PDE4B: variants seen among roughly 807,000 people sequenced by gnomAD.
PDE4B encodes phosphodiesterase 4B.
In PDE4B, 20 loss-of-function variants were observed where a neutral mutation model predicts 82.2. That is an observed-to-expected ratio of 0.24 (90% confidence interval 0.17 to 0.35). The LOEUF is 0.35. Among genes scored for constraint, PDE4B ranks in the 10% least tolerant of loss-of-function variants. PDE4B has a pLI of 1.00. For missense variants in PDE4B, 655 were observed against 907.2 expected (o/e 0.72, Z 3.57); for synonymous variants, 320 against 318.9 (o/e 1.00, Z -0.04).
chr1:66,141,429 A>G (rs1646170872), intron 3 of PDE4B, among the ~76,000 whole-genome samples: 1 of 149,214 alleles, frequency 6.7e-6, no homozygotes, highest in Non-Finnish European at 1.5e-5. Flanking sequence ...AGATGACTTT[A>G]TTTTAGTGAA....
chr1:65,836,540 A>T (rs1419787539), intron 1 of PDE4B, among the ~76,000 whole-genome samples: 1 of 152,112 alleles, frequency 6.6e-6, no homozygotes, highest in Non-Finnish European at 1.5e-5. Flanking sequence ...AACCAGGTAA[A>T]CACCGGGGCA....
intron 3 of PDE4B, among the ~76,000 whole-genome samples, chr1:66,135,553 C>T (rs1194432158): frequency 6.6e-6 from 1 of 152,086 alleles, no homozygotes; most frequent in Admixed American, 6.6e-5. Context: ...TGATTGATGC[C>T]AATGACTGGG....
At chr1:65,921,700 A>G (rs1408402396) in intron 3 of PDE4B, among the ~76,000 whole-genome samples, 1 of 152,238 alleles carries the variant, frequency 6.6e-6, no homozygotes, top group Non-Finnish European at 1.5e-5. Flanking sequence ...AACTTTGTTT[A>G]CAAAAACAAG....
chr1:65,972,637 T>C (rs1009190821), intron 3 of PDE4B, among the ~76,000 whole-genome samples: 1 of 152,180 alleles, frequency 6.6e-6, no homozygotes, highest in Non-Finnish European at 1.5e-5. Context: ...TGAAGGTGTA[T>C]GCTGTTTACC....
intron 3 of PDE4B, among the ~76,000 whole-genome samples, chr1:66,058,411 A>G (rs1480827580): frequency 2.0e-5 from 3 of 152,180 alleles, no homozygotes; most frequent in Admixed American, 6.5e-5. Context: ...CACAGCTCCA[A>G]TAGGCAGTGC....
At chr1:66,317,958 C>T (rs1227137501) in intron 7 of PDE4B, among the ~76,000 whole-genome samples, 1 of 152,088 alleles carries the variant, frequency 6.6e-6, no homozygotes, top group Non-Finnish European at 1.5e-5. Context: ...GGAGGTGGGA[C>T]TCCCAGGAAA....
intron 1 of PDE4B, among the ~76,000 whole-genome samples, chr1:65,852,157 A>G (rs568483643): frequency 5.2e-4 from 79 of 152,074 alleles, no homozygotes; most frequent in African/African-American, 1.8e-3. Flanking sequence ...TTCATGAAAG[A>G]CATGGATTTG....
At chr1:66,008,495 G>C (rs967750832) in intron 3 of PDE4B, among the ~76,000 whole-genome samples, 2 of 152,032 alleles carry the variant, frequency 1.3e-5, no homozygotes, top group African/African-American at 4.8e-5. Context: ...TGTCCCCGCT[G>C]TCTCCTGTAT....
At chr1:65,896,875 A>G (rs1396061478) in intron 1 of PDE4B, among the ~76,000 whole-genome samples, 6 of 152,134 alleles carry the variant, frequency 3.9e-5, no homozygotes, top group Non-Finnish European at 7.4e-5. Flanking sequence ...TAATAAGAAA[A>G]TTTAGGCATA....
At chr1:65,902,658 A>G (rs899081695) in intron 1 of PDE4B, among the ~76,000 whole-genome samples, 2 of 152,184 alleles carry the variant, frequency 1.3e-5, no homozygotes, top group African/African-American at 4.8e-5. Flanking sequence ...GACAGAAGTC[A>G]TACTGTTTCA....
At chr1:65,917,580 A>G (rs982582442) in intron 2 of PDE4B, among the ~76,000 whole-genome samples, 3 of 152,216 alleles carry the variant, frequency 2.0e-5, no homozygotes, top group African/African-American at 7.2e-5. Flanking sequence ...CCCACTCCCA[A>G]CAATCTCAGG....
At chr1:66,218,657 CT>C (rs1439849484) in intron 3 of PDE4B, among the ~76,000 whole-genome samples, 1 of 152,142 alleles carries the variant, frequency 6.6e-6, no homozygotes, top group Non-Finnish European at 1.5e-5. Context: ...TCTGGGACCT[CT>C]TTCCCACCCT....
At chr1:66,210,010 T>A (rs1649895403) in intron 3 of PDE4B, among the ~76,000 whole-genome samples, 1 of 152,202 alleles carries the variant, frequency 6.6e-6, no homozygotes, top group Non-Finnish European at 1.5e-5. Context: ...TATTGGCTCA[T>A]CCACTGTTGT....
intron 3 of PDE4B, among the ~76,000 whole-genome samples, chr1:66,130,515 A>G (rs996279398): frequency 4.6e-5 from 7 of 152,028 alleles, no homozygotes; most frequent in Non-Finnish European, 1.0e-4. Context: ...CCACTTAAGG[A>G]CCGAACTACA....
intron 3 of PDE4B, among the ~76,000 whole-genome samples, chr1:66,240,747 C>G (rs4655832): frequency 6.6e-6 from 1 of 152,192 alleles, no homozygotes; most frequent in South Asian, 2.1e-4. Flanking sequence ...AATGAATGCT[C>G]ATCACCATTA....
At chr1:66,165,484 A>T (rs11805126) in intron 3 of PDE4B, among the ~76,000 whole-genome samples, 1 of 152,114 alleles carries the variant, frequency 6.6e-6, no homozygotes, top group Non-Finnish European at 1.5e-5. Context: ...TTTTATAGAG[A>T]CAATTCTAAG....
At chr1:65,910,670 T>C (rs1375706029) in intron 1 of PDE4B, among the ~76,000 whole-genome samples, 3 of 152,302 alleles carry the variant, frequency 2.0e-5, no homozygotes, top group African/African-American at 7.2e-5. Context: ...TACAGCTAAA[T>C]AGGGAGGCCT....
chr1:66,284,401 G>A (rs1413235171), intron 7 of PDE4B, among the ~76,000 whole-genome samples: 1 of 152,128 alleles, frequency 6.6e-6, no homozygotes, highest in Admixed American at 6.5e-5. Context: ...GGACAAGGAA[G>A]GTATAAGATA....
At chr1:66,286,240 G>A (rs1406092172) in intron 7 of PDE4B, among the ~76,000 whole-genome samples, 1 of 152,106 alleles carries the variant, frequency 6.6e-6, no homozygotes, top group African/African-American at 2.4e-5. Flanking sequence ...AAACTTTGAG[G>A]AGTTGGAACT....
Sources: allele counts gnomAD v4.1 joint callset (sites outside exome capture counted in the v4.1 genomes callset), GRCh38; gene constraint gnomAD v4.1.1; transcripts MANE v1.5; gene names NCBI Gene and HGNC (gene_info 2026-07-23, HGNC 2026-07-21).